The following CRB1 variants were observed in gnomAD, a reference collection of about 807,000 sequenced individuals.
CRB1 encodes protein crumbs homolog 1.
In CRB1, 83 loss-of-function variants were observed where a neutral mutation model predicts 120.0. That is an observed-to-expected ratio of 0.69 (90% CI 0.58 to 0.83). The LOEUF is 0.83. Among genes scored for constraint, CRB1 ranks in the 40% least tolerant of loss-of-function variants. CRB1 has a pLI of 0.00. For missense variants in CRB1, 1,699 were observed against 1,687.6 expected (o/e 1.01, Z -0.12); for synonymous variants, 625 against 612.5 (o/e 1.02, Z -0.30).
chr1:197,372,318 G>A (rs1661412750), intron 5 of CRB1, among the ~76,000 whole-genome samples: 1 of 152,146 alleles, frequency 6.6e-6, no homozygotes, highest in Non-Finnish European at 1.5e-5. Context: ...ACCCACGTAA[G>A]GGAGCTTAGA....
chr1:197,211,388 ACT>A, the CRB1 span, among the ~76,000 whole-genome samples: 1 of 152,340 alleles, frequency 6.6e-6, no homozygotes, highest in East Asian at 1.9e-4. Flanking sequence ...AGATTGGGTA[ACT>A]TATATACAAT....
the CRB1 span, among the ~76,000 whole-genome samples, chr1:197,239,501 T>C: frequency 6.6e-6 from 1 of 152,102 alleles, no homozygotes; most frequent in Non-Finnish European, 1.5e-5. Context: ...TGACTATACC[T>C]ACCATTAATA....
intron 5 of CRB1, among the ~76,000 whole-genome samples, chr1:197,392,000 T>C (rs912687524): frequency 5.4e-4 from 82 of 152,070 alleles, no homozygotes; most frequent in African/African-American, 1.8e-3. Context: ...AGGAATGTAT[T>C]CAAGAAACTA....
intron 5 of CRB1, among the ~76,000 whole-genome samples, chr1:197,415,957 T>C (rs1295754464): frequency 3.3e-5 from 5 of 152,142 alleles, no homozygotes; most frequent in Non-Finnish European, 7.4e-5. Flanking sequence ...GACCTCTTTA[T>C]CAACTTGACC....
rs1332051035 is a variant in CRB1, at chr1:197,435,161, A to G, written c.3298A>G (p.Ile1100Val). Residue 1100 changes from isoleucine (I) to valine (V), a missense_variant, in exon 9 of 12, where the codon ATA becomes GTA. Transcript: ENST00000367400. ...IKGLQGCLST[I>V]EIGGIYLSYF... ...GGGCCTGCAAGGGTGTCTAAGTACA[A>G]TAGAAATCGGAGGCATTTATCTCTC... 6.2e-7 allele frequency: 1 copy of G among 1,613,924 alleles called. No homozygotes were observed. Among genetic ancestry groups the G allele is most frequent in the East Asian group, 2.2e-5 (1 of 44,878 alleles).
the CRB1 span, among the ~76,000 whole-genome samples, chr1:197,255,994 T>TATATATATAC: frequency 7.5e-6 from 1 of 133,890 alleles, no homozygotes; most frequent in African/African-American, 2.9e-5. Context: ...TATATATATA[T>TATATATATAC]ATACACTACA....
intron 11 of CRB1, among the ~76,000 whole-genome samples, chr1:197,463,226 C>G (rs965978548): frequency 6.6e-6 from 1 of 152,154 alleles, no homozygotes; most frequent in Non-Finnish European, 1.5e-5. Context: ...TTTTCTAGGT[C>G]TATGCAGACA....
chr1:197,281,629 T>A (rs540084057), intron 1 of CRB1, among the ~76,000 whole-genome samples: 44 of 151,986 alleles, frequency 2.9e-4, no homozygotes, highest in African/African-American at 9.9e-4. Context: ...CATGAAATGA[T>A]GGAGACCTCA....
intron 5 of CRB1, among the ~76,000 whole-genome samples, chr1:197,365,610 CCTTCTT>C (rs1208615081): frequency 7.9e-5 from 11 of 139,850 alleles, no homozygotes; most frequent in South Asian, 2.2e-4. Context: ...TTCTCCTTCT[CCTTCTT>C]CTTCTTCTTC....
chr1:197,384,964 C>A (rs1167207123), intron 5 of CRB1, among the ~76,000 whole-genome samples: 1 of 152,078 alleles, frequency 6.6e-6, no homozygotes, highest in African/African-American at 2.4e-5. Context: ...TTTAATAAAA[C>A]GAGACTTGCT....
chr1:197,214,207 A>G, the CRB1 span, among the ~76,000 whole-genome samples: 1 of 152,302 alleles, frequency 6.6e-6, no homozygotes, highest in Admixed American at 6.5e-5. Flanking sequence ...AACGGGAAAC[A>G]TTACATTTGA....
intron 2 of CRB1, among the ~76,000 whole-genome samples, chr1:197,329,263 T>G (rs1247371358): frequency 6.6e-6 from 1 of 152,200 alleles, no homozygotes; most frequent in Non-Finnish European, 1.5e-5. Context: ...CTAGAATGAA[T>G]GAGGTCCAAG....
At chr1:197,448,623 C>A (rs768103590) in intron 11 of CRB1, among the ~76,000 whole-genome samples, 4 of 152,202 alleles carry the variant, frequency 2.6e-5, no homozygotes, top group Admixed American at 6.5e-5. Flanking sequence ...TCCCACCTAA[C>A]CTGTCATTCC....
chr1:197,310,943 G>A (rs1657481730), intron 1 of CRB1, among the ~76,000 whole-genome samples: 1 of 152,104 alleles, frequency 6.6e-6, no homozygotes, highest in South Asian at 2.1e-4. Context: ...AGACACTAAT[G>A]AATATTTTGA....
chr1:197,261,766 C>T, the CRB1 span, among the ~76,000 whole-genome samples: 1 of 152,004 alleles, frequency 6.6e-6, no homozygotes. Context: ...ACCATTATAA[C>T]AATAATTAAG....
At chr1:197,242,422 C>A in the CRB1 span, among the ~76,000 whole-genome samples, 1 of 152,120 alleles carries the variant, frequency 6.6e-6, no homozygotes, top group Admixed American at 6.6e-5. Flanking sequence ...TTTTCTGCAT[C>A]TATTGAGATA....
chr1:197,425,669 C>T (rs185536567), intron 6 of CRB1, among the ~76,000 whole-genome samples: 259 of 152,240 alleles, frequency 1.7e-3, no homozygotes, highest in Non-Finnish European at 3.0e-3. Context: ...CTCCCTCCTC[C>T]TGAAAAACTA....
chr1:197,335,204 A>G (rs1659083127), intron 2 of CRB1, among the ~76,000 whole-genome samples: 1 of 152,150 alleles, frequency 6.6e-6, no homozygotes, highest in African/African-American at 2.4e-5. Context: ...GAGGAAGGAG[A>G]TAGGTCAGAG....
chr1:197,404,247 C>T (rs1663215669), intron 5 of CRB1, among the ~76,000 whole-genome samples: 2 of 151,976 alleles, frequency 1.3e-5, no homozygotes, highest in Admixed American at 6.6e-5. Flanking sequence ...GGCTCTGAGC[C>T]TAATTGCATA....
Sources: allele counts gnomAD v4.1 joint callset (sites outside exome capture counted in the v4.1 genomes callset), GRCh38; gene constraint gnomAD v4.1.1; transcripts MANE v1.5; gene names NCBI Gene and HGNC (gene_info 2026-07-23, HGNC 2026-07-21).